The following GRIP1 variants were observed in gnomAD, a reference collection of about 807,000 sequenced individuals.
GRIP1 encodes glutamate receptor-interacting protein 1.
GRIP1 carries 45 observed loss-of-function variants against 129.9 expected under a neutral mutation model. That is an observed-to-expected ratio of 0.35 (90% CI 0.27 to 0.44). The LOEUF (loss-of-function observed/expected upper bound fraction) is 0.44, where lower values mean the gene tolerates loss of function less well. GRIP1 is among the 20% of genes least tolerant of loss of function. GRIP1 has a pLI of 1.00. For missense variants in GRIP1, 1,196 were observed against 1,396.8 expected (o/e 0.86, Z 2.29); for synonymous variants, 530 against 520.8 (o/e 1.02, Z -0.24).
intron 7 of GRIP1, among the ~76,000 whole-genome samples, chr12:66,514,179 A>C (rs1449709037): frequency 6.6e-6 from 1 of 152,156 alleles, no homozygotes; most frequent in Admixed American, 6.6e-5. Flanking sequence ...TGCAAGCTTC[A>C]TAAGAGCAGG....
At chr12:66,677,932 A>G (rs529706020) in intron 1 of GRIP1, among the ~76,000 whole-genome samples, 2 of 152,298 alleles carry the variant, frequency 1.3e-5, no homozygotes, top group Admixed American at 1.3e-4. Flanking sequence ...ACAGTACTCT[A>G]TATTACAGGC....
At chr12:66,727,873 C>A (rs1479657514) in intron 1 of GRIP1, among the ~76,000 whole-genome samples, 1 of 152,144 alleles carries the variant, frequency 6.6e-6, no homozygotes, top group East Asian at 1.9e-4. Flanking sequence ...GCTATTCCAG[C>A]CTTCTGTTGG....
At chr12:66,667,502 T>A (rs2033859975) in intron 1 of GRIP1, among the ~76,000 whole-genome samples, 1 of 152,224 alleles carries the variant, frequency 6.6e-6, no homozygotes. Flanking sequence ...TTTACATTTA[T>A]TAATAAAGAA....
chr12:66,979,639 G>C (rs1011866886), intron 1 of GRIP1, among the ~76,000 whole-genome samples: 5 of 152,172 alleles, frequency 3.3e-5, no homozygotes, highest in African/African-American at 1.2e-4. Context: ...CTGTATCTAT[G>C]ATGTGAATGT....
upstream of GRIP1, chr12:66,679,219 G>T (rs758515344): frequency 3.9e-6 from 4 of 1,020,820 alleles, no homozygotes; most frequent in Non-Finnish European, 5.2e-6. Flanking sequence ...GACACTGTGT[G>T]AGGAGCCATT....
At position 66,370,588 on chromosome 12, in the gene GRIP1, C is replaced by T. The variant is rs143751528; in HGVS notation, c.3012+1106G>A. Among the ~76,000 whole-genome samples the T allele has an allele frequency of 3.5e-4, 54 of 152,218 alleles. No individual in the cohort carries two copies. The East Asian group carries it at 0.01, about 28-fold the overall frequency. On this transcript the variant is annotated intron_variant, in intron 23 of 24. Transcript: ENST00000359742. ...TTATTTGCTCTTCTGGGTAAGGTAA[C>T]GAATGTCTAGCTAATAGATTATTAA... is the stretch of plus-strand genomic sequence containing the variant.
intron 1 of GRIP1, among the ~76,000 whole-genome samples, chr12:66,823,119 CTCTAGACTTGTTTTCTGA>C (rs1397039941): frequency 1.3e-5 from 2 of 152,190 alleles, no homozygotes; most frequent in African/African-American, 4.8e-5. Flanking sequence ...AACTTAACCT[CTCTAGACTTGTTTTCTGA>C]TCTATAAAAT....
intron 13 of GRIP1, among the ~76,000 whole-genome samples, chr12:66,439,343 T>C (rs2058405717): frequency 6.6e-6 from 1 of 152,206 alleles, no homozygotes; most frequent in Non-Finnish European, 1.5e-5. Context: ...TCCTAAACTC[T>C]AATACAGCAC....
chr12:66,881,638 T>G (rs1028085889), intron 1 of GRIP1, among the ~76,000 whole-genome samples: 5 of 151,974 alleles, frequency 3.3e-5, no homozygotes, highest in Non-Finnish European at 5.9e-5. Flanking sequence ...TCACAGACAT[T>G]ATTACAAAGG....
intron 15 of GRIP1, among the ~76,000 whole-genome samples, chr12:66,413,752 G>A (rs751196922): frequency 2.3e-4 from 35 of 152,240 alleles, no homozygotes; most frequent in Non-Finnish European, 5.0e-4. Flanking sequence ...TATCCACCAC[G>A]ATCAAGTTGG....
chr12:66,493,178 T>C (rs1345363310), intron 7 of GRIP1, among the ~76,000 whole-genome samples: 1 of 152,216 alleles, frequency 6.6e-6, no homozygotes, highest in African/African-American at 2.4e-5. Context: ...GCATTTTAAA[T>C]GCTCTGTAGG....
intron 1 of GRIP1, among the ~76,000 whole-genome samples, chr12:66,883,747 C>T (rs1455867893): frequency 2.0e-5 from 3 of 152,208 alleles, no homozygotes; most frequent in African/African-American, 7.2e-5. Flanking sequence ...ACAAAGACAT[C>T]CCCGTTTGGA....
intron 1 of GRIP1, among the ~76,000 whole-genome samples, chr12:66,950,072 G>A (rs1253699742): frequency 2.6e-5 from 4 of 151,952 alleles, no homozygotes; most frequent in Non-Finnish European, 4.4e-5. Context: ...CACCACGCCC[G>A]GCCACTACTT....
chr12:66,834,369 C>T (rs891996453), intron 1 of GRIP1, among the ~76,000 whole-genome samples: 1 of 151,946 alleles, frequency 6.6e-6, no homozygotes, highest in African/African-American at 2.4e-5. Context: ...CAAAATCAAG[C>T]AATCAAGCAA....
intron 1 of GRIP1, among the ~76,000 whole-genome samples, chr12:66,997,055 G>A (rs2042478017): frequency 6.6e-6 from 1 of 152,118 alleles, no homozygotes; most frequent in Admixed American, 6.6e-5. Context: ...TCATGCTTAA[G>A]TTTCAGCTAT....
chr12:66,468,224 T>TC (rs1016784754), intron 7 of GRIP1, among the ~76,000 whole-genome samples: 4 of 152,154 alleles, frequency 2.6e-5, no homozygotes, highest in African/African-American at 9.7e-5. Flanking sequence ...TGCCCACCTC[T>TC]CCCTCATTTC....
At chr12:66,688,026 C>T (rs2034845208) in intron 1 of GRIP1, among the ~76,000 whole-genome samples, 1 of 152,178 alleles carries the variant, frequency 6.6e-6, no homozygotes, top group South Asian at 2.1e-4. Flanking sequence ...GACTTTGAAT[C>T]ATACCAAGAC....
At chr12:66,915,090 C>T (rs182047175) in intron 1 of GRIP1, among the ~76,000 whole-genome samples, 40 of 152,294 alleles carry the variant, frequency 2.6e-4, no homozygotes, top group African/African-American at 8.4e-4. Context: ...TTCCTAAAAT[C>T]TCAGTCTTCT....
intron 1 of GRIP1, among the ~76,000 whole-genome samples, chr12:66,815,113 C>T (rs1337098606): frequency 1.3e-5 from 2 of 152,114 alleles, no homozygotes; most frequent in African/African-American, 4.8e-5. Context: ...ATATAGGAAG[C>T]GTTTCATACA....
Sources: allele counts gnomAD v4.1 joint callset (sites outside exome capture counted in the v4.1 genomes callset), GRCh38; gene constraint gnomAD v4.1.1; transcripts MANE v1.5; gene names NCBI Gene and HGNC (gene_info 2026-07-23, HGNC 2026-07-21).